MTHFD1L: variants seen among roughly 807,000 people sequenced by gnomAD.
MTHFD1L encodes methylenetetrahydrofolate dehydrogenase (NADP+ dependent) 1 like, also known as monofunctional C1-tetrahydrofolate synthase, mitochondrial.
In MTHFD1L, 81 loss-of-function variants were observed where a neutral mutation model predicts 119.5. That is an observed-to-expected ratio of 0.68 (90% CI 0.57 to 0.82). The LOEUF (loss-of-function observed/expected upper bound fraction) is 0.82, where lower values mean the gene tolerates loss of function less well. MTHFD1L is among the 40% of genes least tolerant of loss of function. The pLI is 0.00. For synonymous variants in MTHFD1L, 430 were observed against 475.2 expected (o/e 0.90, Z 1.24); for missense variants, 1,125 against 1,253.4 (o/e 0.90, Z 1.55).
chr6:150,965,615 C>T (rs1223791079), intron 19 of MTHFD1L, among the ~76,000 whole-genome samples: 3 of 150,602 alleles, frequency 2.0e-5, no homozygotes, highest in Non-Finnish European at 2.9e-5. Context: ...GAGCTGAGAT[C>T]GCACCACCGC....
At chr6:150,866,734 G>GCGCCCA in intron 1 of MTHFD1L, 1 of 1,064,170 alleles carries the variant, frequency 9.4e-7, no homozygotes, top group South Asian at 4.6e-5. Flanking sequence ...TCCCCGCGCA[G>GCGCCCA]CTGGGTTTGC....
intron 10 of MTHFD1L, among the ~76,000 whole-genome samples, chr6:150,925,888 T>C (rs886947170): frequency 2.0e-5 from 3 of 152,198 alleles, no homozygotes; most frequent in Non-Finnish European, 4.4e-5. Flanking sequence ...TACTTCCACC[T>C]GGACACAATT....
intron 20 of MTHFD1L, among the ~76,000 whole-genome samples, chr6:151,008,933 A>G (rs1781788638): frequency 6.6e-6 from 1 of 151,338 alleles, no homozygotes; most frequent in East Asian, 1.9e-4. Context: ...CCTGGCCAAC[A>G]TGGCAAAAAC....
chr6:151,061,732 A>T (rs976182167), intron 26 of MTHFD1L, among the ~76,000 whole-genome samples: 2 of 152,194 alleles, frequency 1.3e-5, no homozygotes, highest in African/African-American at 4.8e-5. Context: ...AGGGTCATTA[A>T]AACCAGGTCT....
chr6:151,024,190 A>G (rs1226224650), intron 24 of MTHFD1L, among the ~76,000 whole-genome samples: 1 of 152,132 alleles, frequency 6.6e-6, no homozygotes, highest in Non-Finnish European at 1.5e-5. Context: ...CTCTTGTAAC[A>G]CATTGATGTT....
intron 18 of MTHFD1L, 66 bp from the exon 19 acceptor site, chr6:150,964,903 C>T: frequency 1.3e-6 from 2 of 1,520,012 alleles, no homozygotes; most frequent in Admixed American, 1.7e-5. Context: ...GAGAGAAGTG[C>T]CAAGGGGTTA....
intron 7 of MTHFD1L, among the ~76,000 whole-genome samples, chr6:150,895,181 T>G (rs1784017076): frequency 6.6e-6 from 1 of 152,198 alleles, no homozygotes; most frequent in Non-Finnish European, 1.5e-5. Context: ...TTGGTTTCAC[T>G]CTCAGGAATG....
chr6:150,898,020 T>C (rs1743073111), intron 7 of MTHFD1L, among the ~76,000 whole-genome samples: 1 of 152,044 alleles, frequency 6.6e-6, no homozygotes, highest in South Asian at 2.1e-4. Context: ...AATTTTGTAT[T>C]TTTAGTAGGG....
At chr6:150,906,537 C>T (rs1339275334) in intron 8 of MTHFD1L, among the ~76,000 whole-genome samples, 1 of 152,214 alleles carries the variant, frequency 6.6e-6, no homozygotes, top group Non-Finnish European at 1.5e-5. Context: ...GAGCCAGAGA[C>T]GATGGCACAG....
intron 26 of MTHFD1L, among the ~76,000 whole-genome samples, chr6:151,045,362 G>A (rs540583322): frequency 1.3e-5 from 2 of 152,260 alleles, no homozygotes; most frequent in East Asian, 1.9e-4. Context: ...CAGGACCTCC[G>A]CAGGGAGCAT....
intron 7 of MTHFD1L, among the ~76,000 whole-genome samples, chr6:150,892,023 A>G (rs553742025): frequency 6.6e-6 from 1 of 151,654 alleles, no homozygotes; most frequent in South Asian, 2.1e-4. Flanking sequence ...GCTTGGGTTA[A>G]GACAGCTCAG....
At chr6:150,900,966 G>A (rs1002018758) in intron 7 of MTHFD1L, among the ~76,000 whole-genome samples, 6 of 151,762 alleles carry the variant, frequency 4.0e-5, no homozygotes, top group African/African-American at 1.5e-4. Context: ...AGTGAGCCGG[G>A]ATCGCGCCAC....
At chr6:151,004,029 A>G (rs1380038612) in intron 20 of MTHFD1L, among the ~76,000 whole-genome samples, 4 of 126,754 alleles carry the variant, frequency 3.2e-5, no homozygotes, top group African/African-American at 1.2e-4. Flanking sequence ...AAAAAAAAAG[A>G]GAGAGAGAGA....
At chr6:150,945,394 C>A in intron 14 of MTHFD1L, 73 bp from the exon 15 acceptor site, 3 of 1,226,814 alleles carry the variant, frequency 2.4e-6, no homozygotes, top group South Asian at 1.3e-5. Flanking sequence ...GAATTTTTGT[C>A]ATATCCTGTG....
At chr6:150,923,735 A>G (rs1470244620) in intron 10 of MTHFD1L, among the ~76,000 whole-genome samples, 1 of 151,552 alleles carries the variant, frequency 6.6e-6, no homozygotes, top group Admixed American at 6.6e-5. Context: ...GGACAGTCAG[A>G]TGAACACCCT....
intron 7 of MTHFD1L, among the ~76,000 whole-genome samples, chr6:150,889,864 A>C (rs1406498286): frequency 6.6e-6 from 1 of 152,184 alleles, no homozygotes; most frequent in Non-Finnish European, 1.5e-5. Flanking sequence ...CACTCTAAAT[A>C]TATATGATAT....
chr6:151,093,484 C>T (rs990323614), intron 27 of MTHFD1L, among the ~76,000 whole-genome samples: 1 of 151,876 alleles, frequency 6.6e-6, no homozygotes, highest in Non-Finnish European at 1.5e-5. Flanking sequence ...TGGTGAAACC[C>T]CGTCTCTACT....
intron 11 of MTHFD1L, chr6:150,935,537 A>T: frequency 6.5e-7 from 1 of 1,545,434 alleles, no homozygotes; most frequent in Middle Eastern, 1.7e-4. Flanking sequence ...TAAAAGAAAA[A>T]TTTTGCGGCA....
At chr6:151,092,359 C>A (rs1794526203) in intron 26 of MTHFD1L, 108 bp from the exon 27 acceptor site, 1 of 787,628 alleles carries the variant, frequency 1.3e-6, no homozygotes, top group Non-Finnish European at 2.1e-6. Flanking sequence ...CATATAAAAC[C>A]TAAAGTTCTA....
Sources: gnomAD v4.1 joint callset for allele counts (sites outside exome capture counted in the v4.1 genomes callset) on GRCh38, gnomAD v4.1.1 for gene constraint, MANE v1.5 for transcripts, NCBI Gene and HGNC (gene_info 2026-07-23, HGNC 2026-07-21) for gene names.